KCND2: variants seen among roughly 807,000 people sequenced by gnomAD.
KCND2 encodes A-type voltage-gated potassium channel KCND2.
KCND2 carries 16 observed loss-of-function variants against 54.4 expected under a neutral mutation model. The observed-to-expected ratio is 0.29, with a 90% CI of 0.20 to 0.45. The LOEUF (loss-of-function observed/expected upper bound fraction) is 0.45, where lower values mean the gene tolerates loss of function less well. Ranked by LOEUF, KCND2 falls within the 20% of genes least tolerant of loss-of-function variation. The pLI is 1.00. For synonymous variants in KCND2, 317 were observed against 310.7 expected (o/e 1.02, Z -0.21); for missense variants, 486 against 824.2 (o/e 0.59, Z 5.02).
intron 1 of KCND2, among the ~76,000 whole-genome samples, chr7:120,477,433 C>G (rs1195856850): frequency 6.6e-6 from 1 of 152,044 alleles, no homozygotes; most frequent in African/African-American, 2.4e-5. Context: ...TGCTGTAAAC[C>G]TGAAGCTGCT....
At chr7:120,619,762 T>C (rs1232157146) in intron 1 of KCND2, among the ~76,000 whole-genome samples, 1 of 152,214 alleles carries the variant, frequency 6.6e-6, no homozygotes, top group Non-Finnish European at 1.5e-5. Flanking sequence ...TATAGTCACA[T>C]GATATGGTTC....
At chr7:120,355,225 G>A (rs956476198) in intron 1 of KCND2, among the ~76,000 whole-genome samples, 1 of 152,130 alleles carries the variant, frequency 6.6e-6, no homozygotes, top group Non-Finnish European at 1.5e-5. Flanking sequence ...AGTGTTAAAT[G>A]TGCCAGAACA....
rs1792999659 is a variant in KCND2 at position 120,745,884 on chromosome 7, A to T, written c.1572A>T (p.Gly524=). The change falls in exon 5 of 6, where the codon GGA becomes GGT. Residue 524 remains glycine, a synonymous_variant. Coordinates refer to ENST00000331113, the MANE Select transcript of KCND2 (RefSeq NM_012281.3). ...SHSPSLSSQQ[G]VTSTCCSRRH... is the part of the protein sequence containing the mutation. ...GTCCTTCACTGTCTTCACAACAAGGAGTCACCAGCACCTGCTGTTCACGAC... is the reference window on the plus strand; with the variant it reads ...GTCCTTCACTGTCTTCACAACAAGGTGTCACCAGCACCTGCTGTTCACGAC... The T allele has an allele frequency of 6.2e-7, 1 of 1,613,814 alleles. No homozygotes were observed.
chr7:120,673,763 C>T (rs1792023204), intron 1 of KCND2, among the ~76,000 whole-genome samples: 1 of 152,126 alleles, frequency 6.6e-6, no homozygotes, highest in Non-Finnish European at 1.5e-5. Context: ...AAATGCCCTC[C>T]ATGGCCTAGT....
At chr7:120,744,912 T>C (rs73425839) in intron 4 of KCND2, among the ~76,000 whole-genome samples, 4,644 of 152,258 alleles carry the variant, frequency 0.031, 227 homozygotes, top group African/African-American at 0.11. Flanking sequence ...GTGAAATTCT[T>C]CCATAGGCAT....
At chr7:120,722,624 T>C (rs1562920188) in intron 1 of KCND2, among the ~76,000 whole-genome samples, 1 of 152,172 alleles carries the variant, frequency 6.6e-6, no homozygotes, top group Non-Finnish European at 1.5e-5. Flanking sequence ...TACTGGATAA[T>C]CCATAGGTAA....
chr7:120,350,638 T>C (rs1800386845), intron 1 of KCND2, among the ~76,000 whole-genome samples: 1 of 152,212 alleles, frequency 6.6e-6, no homozygotes, highest in Non-Finnish European at 1.5e-5. Flanking sequence ...AATTTAAAGA[T>C]AACCCTGTGA....
intron 1 of KCND2, among the ~76,000 whole-genome samples, chr7:120,394,666 A>G (rs1209172129): frequency 2.0e-5 from 3 of 152,016 alleles, no homozygotes; most frequent in African/African-American, 4.8e-5. Flanking sequence ...GAGCTAAACA[A>G]TAAACTAAAT....
chr7:120,316,400 C>T (rs1799812722), intron 1 of KCND2, among the ~76,000 whole-genome samples: 1 of 152,170 alleles, frequency 6.6e-6, no homozygotes, highest in Non-Finnish European at 1.5e-5. Context: ...AAGGTCTTTC[C>T]AATTTCCCCT....
At chr7:120,718,716 AATTGAGAGGAGAAAGAG>A (rs1358484087) in intron 1 of KCND2, among the ~76,000 whole-genome samples, 1 of 152,166 alleles carries the variant, frequency 6.6e-6, no homozygotes, top group Admixed American at 6.6e-5. Flanking sequence ...ATTTAGAAAC[AATTGAGAGGAGAAAGAG>A]ATTCACTTAG....
intron 1 of KCND2, among the ~76,000 whole-genome samples, chr7:120,298,687 GA>G (rs796113798): frequency 9.2e-5 from 14 of 152,288 alleles, no homozygotes; most frequent in African/African-American, 3.4e-4. Flanking sequence ...ACCAAAGTAA[GA>G]AATGTTGCCG....
intron 1 of KCND2, among the ~76,000 whole-genome samples, chr7:120,644,248 A>G (rs559386218): frequency 9.9e-5 from 15 of 152,150 alleles, no homozygotes; most frequent in Non-Finnish European, 2.2e-4. Context: ...AAGATCCTCC[A>G]TTTCAGGGGC....
intron 1 of KCND2, among the ~76,000 whole-genome samples, chr7:120,646,126 C>T (rs1383500328): frequency 6.6e-6 from 1 of 152,222 alleles, no homozygotes; most frequent in African/African-American, 2.4e-5. Flanking sequence ...CCTGACACTA[C>T]ATTATGACAA....
At chr7:120,700,876 A>T (rs1792392409) in intron 1 of KCND2, among the ~76,000 whole-genome samples, 1 of 152,168 alleles carries the variant, frequency 6.6e-6, no homozygotes, top group African/African-American at 2.4e-5. Context: ...TTAGTTTAGG[A>T]TGTGTAACAT....
At chr7:120,520,145 T>A (rs1370746553) in intron 1 of KCND2, among the ~76,000 whole-genome samples, 1 of 152,100 alleles carries the variant, frequency 6.6e-6, no homozygotes, top group Admixed American at 6.6e-5. Flanking sequence ...ATTTACATCA[T>A]GAAAGGAAAG....
chr7:120,382,535 T>G (rs991702915), intron 1 of KCND2, among the ~76,000 whole-genome samples: 2 of 151,842 alleles, frequency 1.3e-5, no homozygotes, highest in Non-Finnish European at 2.9e-5. Flanking sequence ...AAATTTTACT[T>G]TAGAGCAGAA....
At chr7:120,617,186 C>T (rs1176071240) in intron 1 of KCND2, among the ~76,000 whole-genome samples, 2 of 152,244 alleles carry the variant, frequency 1.3e-5, no homozygotes, top group East Asian at 3.9e-4. Context: ...TAGCAAGGTG[C>T]TCCTAGTCAT....
At chr7:120,484,957 C>A (rs1006832551) in intron 1 of KCND2, among the ~76,000 whole-genome samples, 2 of 152,068 alleles carry the variant, frequency 1.3e-5, no homozygotes, top group Non-Finnish European at 2.9e-5. Flanking sequence ...ATAGCTAACT[C>A]TTCACTGCAA....
intron 1 of KCND2, among the ~76,000 whole-genome samples, chr7:120,543,169 G>T (rs777214356): frequency 1.3e-5 from 2 of 151,726 alleles, no homozygotes; most frequent in African/African-American, 2.4e-5. Context: ...ATATCTAACC[G>T]ATGTTATCTT....
Sources: allele counts gnomAD v4.1 joint callset (sites outside exome capture counted in the v4.1 genomes callset), GRCh38; gene constraint gnomAD v4.1.1; transcripts MANE v1.5; gene names NCBI Gene and HGNC (gene_info 2026-07-23, HGNC 2026-07-21).